The following EPB41L4B variants were observed in gnomAD, a reference collection of about 807,000 sequenced individuals.
The protein encoded by EPB41L4B is erythrocyte membrane protein band 4.1 like 4B, also known as band 4.1-like protein 4B.
In EPB41L4B, 30 loss-of-function variants were observed where a neutral mutation model predicts 112.5. That is an observed-to-expected ratio of 0.27 (90% CI 0.20 to 0.36). The LOEUF (loss-of-function observed/expected upper bound fraction) is 0.36, where lower values mean the gene tolerates loss of function less well. Among genes scored for constraint, EPB41L4B ranks in the 10% least tolerant of loss-of-function variants. The probability of loss-of-function intolerance (pLI) is 1.00; values close to 1 mark genes in which losing one functional copy is unlikely to be tolerated. For missense variants in EPB41L4B, 1,024 were observed against 1,133.3 expected, an observed-to-expected ratio of 0.90 and a Z score of 1.38; for synonymous variants, 408 against 439.7, an observed-to-expected ratio of 0.93 and a Z score of 0.90.
intron 18 of EPB41L4B, 52 bp from the exon 19 acceptor site, chr9:109,203,782 A>C: frequency 1.4e-6 from 2 of 1,478,128 alleles, no homozygotes; most frequent in Non-Finnish European, 1.9e-6. Context: ...TGGCATGCAA[A>C]AAATGTTTTC....
At chr9:109,180,498 C>A (rs933095477) in intron 24 of EPB41L4B, among the ~76,000 whole-genome samples, 4 of 152,086 alleles carry the variant, frequency 2.6e-5, no homozygotes, top group African/African-American at 9.7e-5. Flanking sequence ...CATGTCTCTG[C>A]CCTCTCATTC....
intron 1 of EPB41L4B, among the ~76,000 whole-genome samples, chr9:109,294,644 C>T (rs544361543): frequency 6.7e-5 from 10 of 148,582 alleles, no homozygotes; most frequent in Admixed American, 1.3e-4. Flanking sequence ...AATAATTGTT[C>T]GTTTTGTGGA....
chr9:109,269,245 G>A (rs1245506393), intron 2 of EPB41L4B, among the ~76,000 whole-genome samples: 2 of 152,150 alleles, frequency 1.3e-5, no homozygotes, highest in East Asian at 1.9e-4. Flanking sequence ...TGAGCCACAC[G>A]GCAAATGCAA....
chr9:109,186,926 A>G (rs552020843), intron 22 of EPB41L4B, among the ~76,000 whole-genome samples: 1 of 152,320 alleles, frequency 6.6e-6, no homozygotes, highest in East Asian at 1.9e-4. Context: ...CTTAGCTGGA[A>G]AATACCAAAC....
At chr9:109,269,825 T>C (rs1237274032) in intron 2 of EPB41L4B, among the ~76,000 whole-genome samples, 1 of 152,114 alleles carries the variant, frequency 6.6e-6, no homozygotes, top group Non-Finnish European at 1.5e-5. Context: ...CACAGTCTAA[T>C]AACAAGGAGC....
chr9:109,238,884 C>T (rs1834250349), intron 15 of EPB41L4B, among the ~76,000 whole-genome samples: 1 of 152,190 alleles, frequency 6.6e-6, no homozygotes, highest in Non-Finnish European at 1.5e-5. Flanking sequence ...CCAGGAACCA[C>T]AAGCAATTTG....
chr9:109,312,194 T>A (rs578199551), intron 1 of EPB41L4B, among the ~76,000 whole-genome samples: 28 of 152,322 alleles, frequency 1.8e-4, no homozygotes, highest in African/African-American at 6.7e-4. Flanking sequence ...TATAAACATG[T>A]ATACAAAAGC....
intron 11 of EPB41L4B, among the ~76,000 whole-genome samples, chr9:109,253,777 C>T (rs1306453831): frequency 6.6e-6 from 1 of 152,154 alleles, no homozygotes; most frequent in Non-Finnish European, 1.5e-5. Flanking sequence ...AAGGGCAAAA[C>T]CTGCAATTTA....
At chr9:109,274,077 G>A (rs375797215) in intron 2 of EPB41L4B, among the ~76,000 whole-genome samples, 8 of 152,240 alleles carry the variant, frequency 5.3e-5, no homozygotes, top group East Asian at 1.9e-4. Context: ...GCAGCCCTGC[G>A]CCTCTCACTG....
intron 2 of EPB41L4B, among the ~76,000 whole-genome samples, chr9:109,273,111 T>C (rs917461457): frequency 3.3e-5 from 5 of 152,144 alleles, no homozygotes; most frequent in Non-Finnish European, 7.4e-5. Flanking sequence ...ATGACTTCCT[T>C]GGAATCATCT....
At chr9:109,176,930 C>A (rs1176749679) in intron 24 of EPB41L4B, among the ~76,000 whole-genome samples, 2 of 152,170 alleles carry the variant, frequency 1.3e-5, no homozygotes, top group African/African-American at 4.8e-5. Context: ...TCTTAGGCAC[C>A]ATCAGTTGTA....
intron 14 of EPB41L4B, among the ~76,000 whole-genome samples, chr9:109,244,251 A>G (rs1834458641): frequency 6.6e-6 from 1 of 152,018 alleles, no homozygotes; most frequent in African/African-American, 2.4e-5. Flanking sequence ...ACAAAATACC[A>G]AAACAAACAA....
chr9:109,236,985 A>C (rs1216114040), intron 15 of EPB41L4B, among the ~76,000 whole-genome samples: 1 of 152,220 alleles, frequency 6.6e-6, no homozygotes, highest in Non-Finnish European at 1.5e-5. Context: ...TACTGATCCG[A>C]AGGGATCAAT....
At chr9:109,243,787 A>C (rs1834439771) in intron 14 of EPB41L4B, 105 bp from the exon 15 acceptor site, 10 of 1,093,770 alleles carry the variant, frequency 9.1e-6, no homozygotes, top group Non-Finnish European at 1.4e-5. Flanking sequence ...TGGGGGACTA[A>C]GAATGGAAAG....
intron 22 of EPB41L4B, among the ~76,000 whole-genome samples, chr9:109,190,163 T>C (rs1414511343): frequency 6.6e-6 from 1 of 152,162 alleles, no homozygotes; most frequent in Non-Finnish European, 1.5e-5. Context: ...AGATCTCCAG[T>C]TCCCTGTTGG....
intron 22 of EPB41L4B, among the ~76,000 whole-genome samples, chr9:109,190,035 A>G (rs976318812): frequency 1.3e-5 from 2 of 152,184 alleles, no homozygotes; most frequent in African/African-American, 4.8e-5. Context: ...TCCTGGGTTC[A>G]AATGATTCTC....
intron 1 of EPB41L4B, among the ~76,000 whole-genome samples, chr9:109,299,397 T>C (rs538865785): frequency 3.5e-4 from 54 of 152,236 alleles, no homozygotes; most frequent in African/African-American, 1.3e-3. Flanking sequence ...CACCTCAGCC[T>C]CCTGAGCAGG....
intron 2 of EPB41L4B, among the ~76,000 whole-genome samples, chr9:109,269,479 A>G (rs959417242): frequency 1.3e-5 from 2 of 152,220 alleles, no homozygotes; most frequent in Non-Finnish European, 2.9e-5. Flanking sequence ...GGAGCATTCT[A>G]CTGAGCCCTT....
intron 20 of EPB41L4B, among the ~76,000 whole-genome samples, chr9:109,199,319 C>T (rs1270228451): frequency 6.6e-6 from 1 of 152,112 alleles, no homozygotes; most frequent in African/African-American, 2.4e-5. Flanking sequence ...TGTGTAATCT[C>T]TCCCCTTGAG....
Sources: allele counts gnomAD v4.1 joint callset (sites outside exome capture counted in the v4.1 genomes callset), GRCh38; gene constraint gnomAD v4.1.1; transcripts MANE v1.5; gene names NCBI Gene and HGNC (gene_info 2026-07-23, HGNC 2026-07-21).